Variants in LRMDA observed in about 807,000 individuals in gnomAD.
LRMDA encodes the protein leucine rich melanocyte differentiation associated, also known as leucine-rich melanocyte differentiation-associated protein.
In LRMDA, 18 loss-of-function variants were observed where a neutral mutation model predicts 29.8. The ratio of observed to expected loss-of-function variants is 0.60; its 90% CI spans 0.42 to 0.90. The LOEUF (loss-of-function observed/expected upper bound fraction) is 0.90. LRMDA is among the 40% of genes least tolerant of loss of function. The pLI is 0.00. For missense variants in LRMDA, 273 were observed against 273.9 expected, an observed-to-expected ratio of 1.00 and a Z score of 0.02; for synonymous variants, 125 against 109.4, an observed-to-expected ratio of 1.14 and a Z score of -0.89.
chr10:76,420,718 A>G (rs535009815), intron 6 of LRMDA, among the ~76,000 whole-genome samples: 5 of 152,160 alleles, frequency 3.3e-5, no homozygotes, highest in Non-Finnish European at 7.4e-5. Context: ...TTTATGACAT[A>G]CTTTCATAGT....
chr10:75,685,494 G>T (rs1195686093), intron 2 of LRMDA, among the ~76,000 whole-genome samples: 1 of 152,230 alleles, frequency 6.6e-6, no homozygotes, highest in Non-Finnish European at 1.5e-5. Context: ...GCCAAGCTGA[G>T]TTTTCCAGGT....
At chr10:76,042,797 T>C (rs1008805437) in intron 3 of LRMDA, among the ~76,000 whole-genome samples, 30 of 152,220 alleles carry the variant, frequency 2.0e-4, no homozygotes, top group Non-Finnish European at 1.3e-4. Context: ...ATTGATTTTT[T>C]AAAATAGTTT....
intron 2 of LRMDA, among the ~76,000 whole-genome samples, chr10:75,700,156 G>T (rs1842286817): frequency 6.6e-6 from 1 of 151,932 alleles, no homozygotes; most frequent in Non-Finnish European, 1.5e-5. Context: ...TGTTTCAGCA[G>T]CCATATGAAA....
At chr10:76,151,175 C>T (rs12412286) in intron 5 of LRMDA, among the ~76,000 whole-genome samples, 20,984 of 152,076 alleles carry the variant, frequency 0.14, 1,626 homozygotes, top group East Asian at 0.24. Context: ...TGAAGATCTT[C>T]GTTGTCAGCT....
At chr10:76,294,439 T>C (rs955031612) in intron 5 of LRMDA, among the ~76,000 whole-genome samples, 11 of 152,226 alleles carry the variant, frequency 7.2e-5, no homozygotes, top group African/African-American at 2.7e-4. Context: ...AAAGAACGTA[T>C]AAAACACATC....
At chr10:75,913,285 C>T (rs1239108412) in intron 2 of LRMDA, among the ~76,000 whole-genome samples, 1 of 152,190 alleles carries the variant, frequency 6.6e-6, no homozygotes, top group East Asian at 1.9e-4. Flanking sequence ...GGTGAAACCC[C>T]GTCTCTACTA....
chr10:76,071,512 T>G (rs1433041091), intron 5 of LRMDA, among the ~76,000 whole-genome samples: 1 of 152,222 alleles, frequency 6.6e-6, no homozygotes, highest in Non-Finnish European at 1.5e-5. Flanking sequence ...ACTTGCAGCC[T>G]CTACACTTTT....
At chr10:75,566,031 T>G (rs144010563) in intron 2 of LRMDA, among the ~76,000 whole-genome samples, 30 of 152,312 alleles carry the variant, frequency 2.0e-4, no homozygotes, top group African/African-American at 6.5e-4. Context: ...ACTGAGATCA[T>G]GCCACTGCAC....
At chr10:75,547,971 G>C (rs1278019882) in intron 2 of LRMDA, among the ~76,000 whole-genome samples, 3 of 152,074 alleles carry the variant, frequency 2.0e-5, no homozygotes, top group Non-Finnish European at 1.5e-5. Context: ...TTACTCACAA[G>C]AAGAGGGCTT....
intron 6 of LRMDA, among the ~76,000 whole-genome samples, chr10:76,326,511 A>G (rs1840835441): frequency 6.6e-6 from 1 of 152,252 alleles, no homozygotes; most frequent in Non-Finnish European, 1.5e-5. Flanking sequence ...GACAAATTAC[A>G]TCAATTCTTT....
chr10:75,597,741 T>A (rs1840812349), intron 2 of LRMDA, among the ~76,000 whole-genome samples: 1 of 152,122 alleles, frequency 6.6e-6, no homozygotes, highest in Non-Finnish European at 1.5e-5. Context: ...AGGATGATAG[T>A]TGGAATTTTT....
intron 6 of LRMDA, among the ~76,000 whole-genome samples, chr10:76,417,132 C>T (rs1842023244): frequency 6.6e-6 from 1 of 152,114 alleles, no homozygotes; most frequent in African/African-American, 2.4e-5. Flanking sequence ...ATTTGGTCTG[C>T]CTGGATACAA....
In LRMDA at chr10:75,552,001, C is replaced by T. The variant is rs547067274; in HGVS notation, c.131+113507C>T. Among the ~76,000 whole-genome samples, 100 of 152,190 alleles carry T rather than the reference C, an allele frequency of 6.6e-4. No individual in the cohort carries two copies. The South Asian group carries it at 0.012, about 18-fold the overall frequency. ...AAGGATTCAGTGAGCTGTGATTGCA[C>T]CACTGCACTCCAGCCTGGGCAACAG... On this transcript the variant is annotated intron_variant, in intron 2 of 6. Transcript: ENST00000611255.
chr10:76,511,052 T>G (rs1843005161), intron 6 of LRMDA, among the ~76,000 whole-genome samples: 1 of 152,206 alleles, frequency 6.6e-6, no homozygotes. Context: ...ATTGTCTCTA[T>G]TTTTTGCTAT....
intron 2 of LRMDA, among the ~76,000 whole-genome samples, chr10:75,446,557 G>A (rs553456967): frequency 9.8e-5 from 15 of 152,290 alleles, no homozygotes; most frequent in Non-Finnish European, 1.8e-4. Flanking sequence ...TTGCCACTTC[G>A]TCTTTTAGTA....
At chr10:75,744,182 G>A (rs571339479) in intron 2 of LRMDA, among the ~76,000 whole-genome samples, 2 of 152,288 alleles carry the variant, frequency 1.3e-5, no homozygotes, top group South Asian at 2.1e-4. Flanking sequence ...GAGTAAAGGC[G>A]GTTGGTAATT....
chr10:75,707,114 T>C lies in LRMDA; in HGVS notation c.131+268620T>C, dbSNP rs1308592368. 2.0e-5 allele frequency among the ~76,000 whole-genome samples: 3 copies of C among 152,166 alleles called. No homozygotes were observed. In the East Asian group the frequency reaches 5.8e-4, roughly 29 times the overall value. On this transcript the variant is annotated intron_variant, in intron 2 of 6. Coordinates refer to ENST00000611255, the MANE Select transcript of LRMDA (RefSeq NM_001305581.2). ...TGGCTGAAAGGCAGTAGGTAGGATG[T>C]TTAGGGCATGTTAGGATGGTGTGTT...
intron 4 of LRMDA, among the ~76,000 whole-genome samples, 188 bp from the exon 5 acceptor site, chr10:76,058,478 A>G (rs987341314): frequency 3.3e-5 from 5 of 152,224 alleles, no homozygotes; most frequent in African/African-American, 1.2e-4. Context: ...GCATGTGTGT[A>G]AGATAGAATC....
intron 2 of LRMDA, among the ~76,000 whole-genome samples, chr10:75,696,566 G>A (rs947230395): frequency 1.3e-5 from 2 of 152,188 alleles, no homozygotes; most frequent in South Asian, 2.1e-4. Context: ...TAGCTTTAGC[G>A]GTACATGATT....
Sources: gnomAD v4.1 joint callset for allele counts (sites outside exome capture counted in the v4.1 genomes callset) on GRCh38, gnomAD v4.1.1 for gene constraint, MANE v1.5 for transcripts, NCBI Gene and HGNC (gene_info 2026-07-23, HGNC 2026-07-21) for gene names.